Variants in CLVS2 observed in about 807,000 individuals in gnomAD.
CLVS2 encodes the protein clavesin-2.
A neutral mutation model predicts 29.0 loss-of-function variants in CLVS2; 19 were observed. The observed-to-expected ratio is 0.66, with a 90% CI of 0.46 to 0.96. The LOEUF (loss-of-function observed/expected upper bound fraction) is 0.96. Among genes scored for constraint, CLVS2 ranks in the 40% least tolerant of loss-of-function variants. CLVS2 has a pLI of 0.00. For synonymous variants in CLVS2, 161 were observed against 151.3 expected (o/e 1.06, Z -0.47); for missense variants, 294 against 404.1 (o/e 0.73, Z 2.34).
At chr6:123,051,511 T>C (rs1772610874) in intron 4 of CLVS2, among the ~76,000 whole-genome samples, 1 of 152,200 alleles carries the variant, frequency 6.6e-6, no homozygotes, top group Admixed American at 6.5e-5. Flanking sequence ...TAAAATCCAA[T>C]GAAACCCACT....
At chr6:123,003,051 G>GA (rs1582641702) in intron 2 of CLVS2, among the ~76,000 whole-genome samples, 1 of 152,098 alleles carries the variant, frequency 6.6e-6, no homozygotes, top group Admixed American at 6.5e-5. Context: ...AATAGGGGAG[G>GA]AAAAAAAGTT....
chr6:123,063,995 A>C lies in CLVS2; in HGVS notation c.*234A>C. 1 of 359,754 alleles carries C rather than the reference A, an allele frequency of 2.8e-6. No homozygotes were observed. Among genetic ancestry groups the C allele is most frequent in the Non-Finnish European group, 5.0e-6 (1 of 198,646 alleles). 22.3% of individuals were successfully genotyped at this position (359,754 alleles called of 1,614,324 possible). ...GCCAAGTTGTTTGTAAATATAATGTAATCTTCATGTCAAGTTTGTAAATTT... is the reference window on the plus strand; with the variant it reads ...GCCAAGTTGTTTGTAAATATAATGTCATCTTCATGTCAAGTTTGTAAATTT... On this transcript the variant is annotated 3_prime_UTR_variant, in exon 6 of 6. Transcript: ENST00000275162.
In CLVS2 at chr6:123,037,497, A is replaced by C. The variant is rs140258624; in HGVS notation, c.565-11125A>C. 1.1e-3 allele frequency among the ~76,000 whole-genome samples: 171 copies of C among 152,228 alleles called. 2 individuals carry two copies. Among genetic ancestry groups the C allele is most frequent in the African/African-American group, 3.9e-3 (161 of 41,552 alleles). On this transcript the variant is annotated intron_variant, in intron 3 of 5. Transcript: ENST00000275162. ...TAGAGAATTTTGCAGGTATTTAGCAAACAACCTTGGCAGGCCAGAACATAA... is the reference window on the plus strand; with the variant it reads ...TAGAGAATTTTGCAGGTATTTAGCACACAACCTTGGCAGGCCAGAACATAA...
chr6:123,037,061 T>G (rs1320061926), intron 3 of CLVS2, among the ~76,000 whole-genome samples: 1 of 152,170 alleles, frequency 6.6e-6, no homozygotes, highest in Non-Finnish European at 1.5e-5. Context: ...GAATCTTTTA[T>G]TTTTTATTTT....
chr6:123,051,294 T>A (rs913934185), intron 4 of CLVS2, among the ~76,000 whole-genome samples: 2 of 152,192 alleles, frequency 1.3e-5, no homozygotes, highest in African/African-American at 4.8e-5. Flanking sequence ...TCCAACTTAC[T>A]GGGCTGCTGG....
At chr6:123,024,718 C>T (rs752025308) in intron 3 of CLVS2, among the ~76,000 whole-genome samples, 8 of 151,842 alleles carry the variant, frequency 5.3e-5, no homozygotes, top group African/African-American at 1.4e-4. Context: ...TGAAAAATGG[C>T]GATAATAAGA....
chr6:123,010,487 A>C (rs1168764471), intron 2 of CLVS2, among the ~76,000 whole-genome samples: 2 of 151,882 alleles, frequency 1.3e-5, no homozygotes, highest in Admixed American at 1.3e-4. Context: ...TATCCCTACC[A>C]CCTTTCCTTT....
At chr6:123,055,700 G>T in intron 4 of CLVS2, 106 bp from the exon 5 acceptor site, 1 of 781,036 alleles carries the variant, frequency 1.3e-6, no homozygotes, top group African/African-American at 1.7e-5. Flanking sequence ...ACAGACATGC[G>T]AAACTCATAT....
intron 3 of CLVS2, among the ~76,000 whole-genome samples, chr6:123,013,806 C>G (rs1386763427): frequency 6.6e-6 from 1 of 151,840 alleles, no homozygotes; most frequent in Non-Finnish European, 1.5e-5. Context: ...GCTATCCCTC[C>G]CTCCTCCCCC....
Position 123,063,644 on chromosome 6 carries a change from A to G in CLVS2, c.897-30A>G, listed in dbSNP as rs528006590. The stretch of plus-strand genomic sequence containing the variant: ...TCATCTGCACAATTACCTGGTAATA[A>G]CTCACTGACGTTGGCTTTATCCTTT... On this transcript the variant is annotated intron_variant, in intron 5 of 5. Coordinates refer to ENST00000275162, the MANE Select transcript of CLVS2 (RefSeq NM_001010852.4). 3.3e-4 allele frequency: 434 copies of G among 1,299,996 alleles called. 4 individuals are homozygous for G. The South Asian group carries it at 5.1e-3, about 15-fold the overall frequency. The allele number at this position is 1,299,996 out of a possible 1,614,324, so 80.5% of individuals were successfully genotyped here.
intron 3 of CLVS2, among the ~76,000 whole-genome samples, chr6:123,011,931 G>C (rs2114308947): frequency 6.6e-6 from 1 of 151,924 alleles, no homozygotes; most frequent in East Asian, 1.9e-4. Flanking sequence ...ATTAGACTGG[G>C]GCATCAATGT....
chr6:123,004,432 C>G (rs991240973), intron 2 of CLVS2, among the ~76,000 whole-genome samples: 2 of 152,182 alleles, frequency 1.3e-5, no homozygotes, highest in African/African-American at 4.8e-5. Flanking sequence ...ACAAGCCAGA[C>G]AGATGAAATT....
At chr6:123,031,465 T>A (rs1775083148) in intron 3 of CLVS2, among the ~76,000 whole-genome samples, 1 of 152,198 alleles carries the variant, frequency 6.6e-6, no homozygotes, top group Admixed American at 6.5e-5. Flanking sequence ...TACTTAATAA[T>A]AACTGTATCA....
intron 3 of CLVS2, among the ~76,000 whole-genome samples, chr6:123,012,172 C>T (rs997547943): frequency 3.9e-5 from 6 of 151,986 alleles, no homozygotes; most frequent in East Asian, 1.9e-4. Flanking sequence ...CCTTGCTCCT[C>T]TCTTATCTTA....
rs914735159 is a variant in CLVS2 at position 123,006,873 on chromosome 6, T to C, written c.390-4112T>C. Among the ~76,000 whole-genome samples the C allele has an allele frequency of 2.0e-5, 3 of 152,120 alleles. 1 individual carries two copies. The highest frequency in any genetic ancestry group is 1.3e-4 in the Admixed American group (2 of 15,266). ...GGTAACTCCAGGAGATACTATATGA[T>C]GACAGCAGGGGAACAAAGTCTTATT... On this transcript the variant is annotated intron_variant, in intron 2 of 5. Transcript: ENST00000275162.
intron 3 of CLVS2, among the ~76,000 whole-genome samples, chr6:123,040,618 C>A (rs1012878457): frequency 6.6e-6 from 1 of 152,048 alleles, no homozygotes; most frequent in African/African-American, 2.4e-5. Flanking sequence ...GATGGTGAAA[C>A]CCTGTCTCTA....
rs1772891246 is a variant in CLVS2, at chr6:123,068,149, A to G, written c.*4388A>G. ...CCAGTACCATAGGAAAATATATAAG[A>G]TAACAACTTTGTGGATTGAAACACT... On this transcript the variant is annotated 3_prime_UTR_variant, in exon 6 of 6. Transcript: ENST00000275162. The G allele has an allele frequency of 6.6e-6, 1 of 151,718 alleles. No homozygotes were observed. Among genetic ancestry groups the G allele is most frequent in the South Asian group, 2.1e-4 (1 of 4,828 alleles). 9.4% of individuals were successfully genotyped at this position (151,718 alleles called of 1,614,324 possible).
chr6:123,008,685 CT>C (rs5879659), intron 2 of CLVS2, among the ~76,000 whole-genome samples: 14 of 147,784 alleles, frequency 9.5e-5, no homozygotes, highest in Non-Finnish European at 7.5e-5. Context: ...GAAATTAAAA[CT>C]TTTTTTTTTT....
chr6:123,064,093 GA>G lies in CLVS2; in HGVS notation c.*336del, dbSNP rs1772817294. 2 of 185,316 alleles carry G rather than the reference GA, an allele frequency of 1.1e-5. No individual in the cohort carries two copies. The highest frequency in any genetic ancestry group is 4.7e-5 in the African/African-American group (2 of 42,606). 11.5% of individuals were successfully genotyped at this position (185,316 alleles called of 1,614,324 possible). On this transcript the variant is annotated 3_prime_UTR_variant, in exon 6 of 6. Coordinates refer to ENST00000275162, the MANE Select transcript of CLVS2 (RefSeq NM_001010852.4). ...GTGTTATGAACTATAACAAAAAGCAGAAAAGACACAGTCAAAGCTAATTAAA... is the reference window on the plus strand; with the variant it reads ...GTGTTATGAACTATAACAAAAAGCAGAAAGACACAGTCAAAGCTAATTAAA...
Sources: gnomAD v4.1 joint callset for allele counts (sites outside exome capture counted in the v4.1 genomes callset) on GRCh38, gnomAD v4.1.1 for gene constraint, MANE v1.5 for transcripts, NCBI Gene and HGNC (gene_info 2026-07-23, HGNC 2026-07-21) for gene names.